The following VPS13D variants were observed in gnomAD, a reference collection of about 807,000 sequenced individuals.
VPS13D encodes the protein vacuolar protein sorting 13 homolog D, also known as intermembrane lipid transfer protein VPS13D.
VPS13D carries 187 observed loss-of-function variants against 461.9 expected under a neutral mutation model. That is an observed-to-expected ratio of 0.40 (90% CI 0.36 to 0.46). VPS13D has a LOEUF of 0.46. Among genes scored for constraint, VPS13D ranks in the 20% least tolerant of loss-of-function variants. The pLI is 0.60. For synonymous variants in VPS13D, 1,951 were observed against 1,986.3 expected (o/e 0.98, Z 0.47); for missense variants, 4,711 against 5,364.9 (o/e 0.88, Z 3.81).
At chr1:12,366,081 T>C (rs1002861908) in intron 52 of VPS13D, among the ~76,000 whole-genome samples, 1 of 150,524 alleles carries the variant, frequency 6.6e-6, no homozygotes, top group Non-Finnish European at 1.5e-5. Flanking sequence ...AAAAAAAAAA[T>C]AGAAAAAAGT....
chr1:12,272,392 G>GGTGTGTGTGTGTGTGTGTGTGT (rs60615824), intron 17 of VPS13D, among the ~76,000 whole-genome samples: 3 of 143,038 alleles, frequency 2.1e-5, no homozygotes, highest in African/African-American at 7.7e-5. Flanking sequence ...TTTTTGTTTT[G>GGTGTGTGTGTGTGTGTGTGTGT]GTGTGTGTGT....
At chr1:12,474,487 C>T (rs1266804028) in intron 67 of VPS13D, among the ~76,000 whole-genome samples, 3 of 149,396 alleles carry the variant, frequency 2.0e-5, no homozygotes, top group Non-Finnish European at 3.0e-5. Context: ...TCCCCTAGGT[C>T]TGTTAAAAAA....
At chr1:12,272,650 C>T (rs1025741704) in intron 17 of VPS13D, among the ~76,000 whole-genome samples, 2 of 152,018 alleles carry the variant, frequency 1.3e-5, no homozygotes, top group Non-Finnish European at 2.9e-5. Flanking sequence ...GTTACCAATG[C>T]CCCTGAATAA....
chr1:12,459,827 C>T (rs1267860638), intron 66 of VPS13D, among the ~76,000 whole-genome samples: 1 of 152,116 alleles, frequency 6.6e-6, no homozygotes, highest in African/African-American at 2.4e-5. Flanking sequence ...TCCCCGAAGG[C>T]CCAATTTTCT....
intron 10 of VPS13D, among the ~76,000 whole-genome samples, chr1:12,259,042 C>CTTTTTTT (rs201506361): frequency 6.7e-6 from 1 of 150,308 alleles, no homozygotes; most frequent in Non-Finnish European, 1.5e-5. Flanking sequence ...TTTTCTTCTT[C>CTTTTTTT]TTCTTTTTTT....
chr1:12,480,920 C>T (rs927966409), intron 67 of VPS13D, among the ~76,000 whole-genome samples: 2 of 152,206 alleles, frequency 1.3e-5, no homozygotes, highest in African/African-American at 4.8e-5. Context: ...GACTCATTTC[C>T]TGCCTTCTGT....
chr1:12,385,178 A>G (rs533555925), intron 58 of VPS13D, 82 bp from the exon 59 acceptor site: 3 of 1,067,872 alleles, frequency 2.8e-6, no homozygotes, highest in East Asian at 4.8e-5. Flanking sequence ...ATGACTTTTG[A>G]CCTACACAGT....
chr1:12,435,767 A>G (rs1645051884), intron 65 of VPS13D, among the ~76,000 whole-genome samples: 1 of 151,774 alleles, frequency 6.6e-6, no homozygotes, highest in Non-Finnish European at 1.5e-5. Flanking sequence ...GGGATTAACC[A>G]TGTAAGGCTG....
At chr1:12,496,150 G>T (rs867657083) in intron 67 of VPS13D, among the ~76,000 whole-genome samples, 1 of 152,284 alleles carries the variant, frequency 6.6e-6, no homozygotes. Context: ...GCAGATCATT[G>T]AAACTTCTAT....
At chr1:12,358,651 C>T in intron 50 of VPS13D, 50 bp downstream of exon 50, 9 of 1,599,982 alleles carry the variant, frequency 5.6e-6, no homozygotes, top group Non-Finnish European at 6.8e-6. Flanking sequence ...GGCCGATGAC[C>T]TCAGGCTTGG....
At chr1:12,284,619 C>T (rs1477387067) in intron 21 of VPS13D, among the ~76,000 whole-genome samples, 1 of 152,206 alleles carries the variant, frequency 6.6e-6, no homozygotes, top group Non-Finnish European at 1.5e-5. Flanking sequence ...GCCCTGGAAC[C>T]CCGGCCGTGG....
chr1:12,454,020 C>T (rs1158221838), intron 65 of VPS13D: 1 of 152,216 alleles, frequency 6.6e-6, no homozygotes, highest in Non-Finnish European at 1.5e-5. Flanking sequence ...TGACAGGCTT[C>T]CCTCAAACGC....
chr1:12,352,298 TAAA>T (rs1421868412), intron 46 of VPS13D, among the ~76,000 whole-genome samples: 5 of 151,336 alleles, frequency 3.3e-5, no homozygotes, highest in Non-Finnish European at 5.9e-5. Flanking sequence ...CTCAAAAAAA[TAAA>T]GAAGGAGTAC....
chr1:12,334,038 ATACTT>A (rs1487611248), intron 38 of VPS13D, among the ~76,000 whole-genome samples: 18 of 152,220 alleles, frequency 1.2e-4, no homozygotes, highest in Admixed American at 9.8e-4. Context: ...TGGAATTACT[ATACTT>A]TATCTTTGAG....
Position 12,308,558 on chromosome 1 carries a change from T to G in VPS13D, c.6567T>G (p.Pro2189=). 1 of 1,613,668 alleles carries G rather than the reference T, an allele frequency of 6.2e-7. No individual in the cohort carries two copies. Among genetic ancestry groups the G allele is most frequent in the Non-Finnish European group, 8.5e-7 (1 of 1,179,870 alleles). Residue 2189 remains proline (P), a synonymous_variant, in exon 27 of 70, where the codon CCT becomes CCG. Transcript: ENST00000620676. ...PEDSSGDLIF[P]SYFVRQTGGS... ...ATAGTAGTGGAGATCTGATCTTCCC[T>G]TCCTATTTTGTGCGACAGACAGGAG...
At chr1:12,230,680 C>T (rs956040473) in intron 1 of VPS13D, among the ~76,000 whole-genome samples, 1 of 152,066 alleles carries the variant, frequency 6.6e-6, no homozygotes, top group Non-Finnish European at 1.5e-5. Context: ...GGCCTAAAAC[C>T]TCTCTTTACC....
In VPS13D at chr1:12,358,627, C is replaced by T. The variant is rs571957213; in HGVS notation, c.10141+26C>T. 5.9e-5 allele frequency: 95 copies of T among 1,611,572 alleles called. 2 individuals carry two copies. The South Asian group carries it at 8.6e-4, about 15-fold the overall frequency. ...GTGGGTTACATTTGGGGCAGCGGGA[C>T]AATCAGAACCATTGGCCGATGACCT... On this transcript the variant is annotated intron_variant, in intron 50 of 69. Transcript: ENST00000620676.
chr1:12,341,037 C>T (rs1643557453), intron 40 of VPS13D, among the ~76,000 whole-genome samples: 1 of 152,344 alleles, frequency 6.6e-6, no homozygotes, highest in South Asian at 2.1e-4. Flanking sequence ...TGTTTATAGT[C>T]AGGTCACCGC....
In VPS13D at chr1:12,276,864, A is replaced by G. The variant is rs1256879450; in HGVS notation, c.3276A>G (p.Pro1092=). Residue 1092 remains proline, a synonymous_variant, in exon 19 of 70, where the codon CCA becomes CCG. Coordinates refer to ENST00000620676, the MANE Select transcript of VPS13D (RefSeq NM_015378.4). This position sits in a 1 kb window ranked among gnomAD's most constrained non-coding sequence, Gnocchi z 4.5. Reference sequence around the variant, plus strand: ...ATCAGTTTGTGAGTTCAGAGTGCCCATCGATGAATTTAGACAGTACTCTTC... The same window carrying G: ...ATCAGTTTGTGAGTTCAGAGTGCCCGTCGATGAATTTAGACAGTACTCTTC... The part of the protein sequence containing the change: ...LEYQFVSSEC[P]SMNLDSTLQV... 1.2e-6 allele frequency: 2 copies of G among 1,614,184 alleles called. No homozygotes were observed. Among genetic ancestry groups the G allele is most frequent in the African/African-American group, 2.7e-5 (2 of 75,046 alleles).
Sources: gnomAD v4.1 joint callset for allele counts (sites outside exome capture counted in the v4.1 genomes callset) on GRCh38, gnomAD v4.1.1 for gene constraint, Gnocchi (gnomAD v3.1) non-coding constraint, MANE v1.5 for transcripts, NCBI Gene and HGNC (gene_info 2026-07-23, HGNC 2026-07-21) for gene names.